Variants in COL9A1 observed in about 807,000 individuals in gnomAD.
The protein encoded by COL9A1 is collagen alpha-1(IX) chain.
A neutral mutation model predicts 142.6 loss-of-function variants in COL9A1; 104 were observed. That is an observed-to-expected ratio of 0.73 (90% CI 0.62 to 0.86). The LOEUF is 0.86. Ranked by LOEUF, COL9A1 falls within the 40% of genes least tolerant of loss-of-function variation. The pLI is 0.00. For synonymous variants in COL9A1, 466 were observed against 396.0 expected (o/e 1.18, Z -2.10); for missense variants, 1,210 against 1,176.6 (o/e 1.03, Z -0.42).
At chr6:70,280,766 ACC>A in intron 10 of COL9A1, 44 bp downstream of exon 10, 1 of 1,582,164 alleles carries the variant, frequency 6.3e-7, no homozygotes, top group Non-Finnish European at 8.6e-7. Flanking sequence ...ACTCGTACCC[ACC>A]ACACACCCCA....
chr6:70,293,722 G>T (rs1434398661), intron 5 of COL9A1, among the ~76,000 whole-genome samples: 1 of 150,904 alleles, frequency 6.6e-6, no homozygotes, highest in Admixed American at 6.6e-5. Context: ...CTAGGCCTTT[G>T]AATGTGATCT....
In COL9A1 at chr6:70,294,585, T is replaced by C. The variant is rs1427482881; in HGVS notation, c.300-22A>G. 1.2e-5 allele frequency: 19 copies of C among 1,609,824 alleles called. No homozygotes were observed. In the Admixed American group the frequency reaches 3.0e-4, roughly 25 times the overall value. On this transcript the variant is annotated intron_variant, in intron 4 of 37. Coordinates refer to ENST00000357250, the MANE Select transcript of COL9A1 (RefSeq NM_001851.6). ...ATTCCTGAGTAAAATTTTTAAATAG[T>C]AAACATGCATCTTGTTTCCTGTACC...
In COL9A1 at chr6:70,260,643, C is replaced by T; in HGVS notation, c.1449+14G>A. The T allele has an allele frequency of 1.2e-6, 2 of 1,609,966 alleles. No individual in the cohort carries two copies. The highest frequency in any genetic ancestry group is 8.5e-7 in the Non-Finnish European group (1 of 1,177,364). ...ACACATTTTGGTATTATATTATTGT[C>T]ATCACCATCTTACTTTTTCCCCTTT... On this transcript the variant is annotated intron_variant, in intron 20 of 37. Transcript: ENST00000357250.
At chr6:70,281,600 A>G in intron 7 of COL9A1, 136 bp from the exon 8 acceptor site, 1 of 631,428 alleles carries the variant, frequency 1.6e-6, no homozygotes, top group Non-Finnish European at 2.8e-6. Flanking sequence ...AACCCAACGC[A>G]AAAATGTCTC....
chr6:70,253,236 T>C (rs1771065044), intron 26 of COL9A1, 149 bp downstream of exon 26: 4 of 573,902 alleles, frequency 7.0e-6, no homozygotes, highest in Admixed American at 3.0e-5. Flanking sequence ...AAGATTAGTA[T>C]TTGAAGCCTT....
chr6:70,283,759 TG>T lies in COL9A1; in HGVS notation c.757del (p.His253MetfsTer7). 1 of 1,611,936 alleles carries T rather than the reference TG, an allele frequency of 6.2e-7. No homozygotes were observed. The highest frequency in any genetic ancestry group is 1.3e-5 in the African/African-American group (1 of 74,966). ...DPLRPRRETC[H>X]ELPARITPSQ... is the part of the protein sequence containing the mutation. ...CACCGTTATTCTGGCTGGCAGCTCA[TG>T]GCAAGTTTCTCTCCTGGGCCGCAGG... On this transcript the variant is annotated frameshift_variant, in exon 6 of 38. Transcript: ENST00000357250. LOFTEE classifies it high-confidence loss of function.
chr6:70,269,746 C>T, intron 15 of COL9A1, 81 bp from the exon 16 acceptor site: 2 of 849,164 alleles, frequency 2.4e-6, no homozygotes, highest in Non-Finnish European at 4.0e-6. Context: ...GCTCATCAGG[C>T]AAAAGTATAA....
chr6:70,224,031 A>G (rs1173370878), intron 37 of COL9A1, among the ~76,000 whole-genome samples: 2 of 152,186 alleles, frequency 1.3e-5, no homozygotes, highest in African/African-American at 4.8e-5. Flanking sequence ...GGCCAAAGGA[A>G]GAAAGGAAAA....
chr6:70,231,360 GCTC>G (rs1364001192), intron 36 of COL9A1, among the ~76,000 whole-genome samples: 1 of 152,192 alleles, frequency 6.6e-6, no homozygotes, highest in Non-Finnish European at 1.5e-5. Flanking sequence ...TAAGGCATGA[GCTC>G]CTGAACTAGT....
In COL9A1 at chr6:70,270,323, T is replaced by TG; in HGVS notation, c.1187dup (p.Gly397ArgfsTer10). ...GCTGCAAATAACTTACTCTGGGTCC[T>TG]GGGGGGCCAGGGGGGCCAGGTGGTC... is the stretch of plus-strand genomic sequence containing the variant. On this transcript the variant is annotated frameshift_variant, in exon 15 of 38. Coordinates refer to ENST00000357250, the MANE Select transcript of COL9A1 (RefSeq NM_001851.6). LOFTEE classifies it high-confidence loss of function. 1 of 1,613,734 alleles carries TG rather than the reference T, an allele frequency of 6.2e-7. No homozygotes were observed. Among genetic ancestry groups the TG allele is most frequent in the South Asian group, 1.1e-5 (1 of 91,034 alleles).
chr6:70,218,446 C>G (rs1037988599), intron 37 of COL9A1, among the ~76,000 whole-genome samples: 1 of 152,158 alleles, frequency 6.6e-6, no homozygotes, highest in Non-Finnish European at 1.5e-5. Flanking sequence ...TGAATGTTTA[C>G]CCCAGTGCAC....
chr6:70,221,910 G>A (rs1768903011), intron 37 of COL9A1, among the ~76,000 whole-genome samples: 1 of 152,152 alleles, frequency 6.6e-6, no homozygotes, highest in African/African-American at 2.4e-5. Context: ...GGAGACTAAA[G>A]TTCCAGGGAT....
chr6:70,281,076 A>G, intron 8 of COL9A1, 37 bp from the exon 9 acceptor site: 1 of 1,579,762 alleles, frequency 6.3e-7, no homozygotes, highest in Non-Finnish European at 8.6e-7. Context: ...GCAGTCTATG[A>G]GCGGGATAGG....
intron 26 of COL9A1, 108 bp downstream of exon 26, chr6:70,253,277 G>T: frequency 1.3e-6 from 1 of 767,494 alleles, no homozygotes; most frequent in Non-Finnish European, 2.2e-6. Flanking sequence ...TCTCCCTAGG[G>T]CCAAATATAA....
chr6:70,256,716 A>G (rs1771319047), intron 21 of COL9A1, 52 bp downstream of exon 21: 4 of 1,430,984 alleles, frequency 2.8e-6, no homozygotes, highest in Non-Finnish European at 3.9e-6. Flanking sequence ...ATGCATACAT[A>G]GCAAAAAAAA....
intron 2 of COL9A1, 44 bp downstream of exon 2, chr6:70,301,957 T>G (rs1236545961): frequency 5.3e-6 from 8 of 1,496,168 alleles, no homozygotes; most frequent in Non-Finnish European, 6.5e-6. Flanking sequence ...TGATCATTTC[T>G]GGGAATAAGT....
intron 32 of COL9A1, 72 bp downstream of exon 32, chr6:70,240,609 GTGTTAGAA>G: frequency 1.1e-6 from 1 of 903,632 alleles, no homozygotes; most frequent in East Asian, 2.5e-5. Flanking sequence ...ATTTTGAACT[GTGTTAGAA>G]GTATATATAT....
chr6:70,236,136 A>T (rs988692313), intron 33 of COL9A1, among the ~76,000 whole-genome samples: 4 of 150,686 alleles, frequency 2.7e-5, no homozygotes, highest in Non-Finnish European at 4.4e-5. Context: ...AAAAAAAAAA[A>T]AAAAACTTGA....
chr6:70,242,493 G>A (rs573541395), intron 29 of COL9A1, among the ~76,000 whole-genome samples, 169 bp downstream of exon 29: 2 of 152,292 alleles, frequency 1.3e-5, no homozygotes, highest in South Asian at 4.1e-4. Context: ...TACCCTCTGA[G>A]GGTATCCTAC....
Sources: gnomAD v4.1 joint callset for allele counts (sites outside exome capture counted in the v4.1 genomes callset) on GRCh38, gnomAD v4.1.1 for gene constraint, MANE v1.5 for transcripts, NCBI Gene and HGNC (gene_info 2026-07-23, HGNC 2026-07-21) for gene names.